Variants in DNAJC15 observed in about 807,000 individuals in gnomAD.
The protein encoded by DNAJC15 is dnaJ homolog subfamily C member 15.
A neutral mutation model predicts 22.4 loss-of-function variants in DNAJC15; 27 were observed. The observed-to-expected ratio is 1.20, with a 90% confidence interval of 0.89 to 1.66. The LOEUF (loss-of-function observed/expected upper bound fraction) is 1.66, where lower values mean the gene tolerates loss of function less well. DNAJC15 is among the 40% of genes most tolerant of loss of function. The pLI is 0.00. For missense variants in DNAJC15, 208 were observed against 187.1 expected (o/e 1.11, Z -0.65); for synonymous variants, 79 against 63.2 (o/e 1.25, Z -1.19).
intron 1 of DNAJC15, among the ~76,000 whole-genome samples, chr13:43,048,288 T>C (rs1338022108): frequency 6.9e-6 from 1 of 144,892 alleles, no homozygotes; most frequent in Non-Finnish European, 1.5e-5. Flanking sequence ...AAGACCAGCC[T>C]GACCAAAATG....
intron 1 of DNAJC15, among the ~76,000 whole-genome samples, chr13:43,052,906 CTATT>C (rs1229616699): frequency 1.3e-5 from 2 of 152,070 alleles, no homozygotes; most frequent in Non-Finnish European, 2.9e-5. Context: ...TAGTTCCCAT[CTATT>C]TATATTAGTT....
chr13:43,046,520 G>A (rs1566203221), intron 1 of DNAJC15, among the ~76,000 whole-genome samples: 2 of 151,838 alleles, frequency 1.3e-5, no homozygotes, highest in African/African-American at 2.4e-5. Context: ...CAACCAATCA[G>A]GTAGTAAAGA....
chr13:43,084,464 C>T (rs2040677997), intron 4 of DNAJC15, among the ~76,000 whole-genome samples: 1 of 152,134 alleles, frequency 6.6e-6, no homozygotes, highest in African/African-American at 2.4e-5. Flanking sequence ...GAATTTGAAC[C>T]TGTTTCTGAC....
intron 1 of DNAJC15, among the ~76,000 whole-genome samples, chr13:43,040,869 A>T (rs1041804702): frequency 1.3e-5 from 2 of 152,160 alleles, no homozygotes; most frequent in Admixed American, 6.5e-5. Context: ...CATACACATA[A>T]ACATCTCAAT....
intron 1 of DNAJC15, among the ~76,000 whole-genome samples, chr13:43,027,180 G>A (rs183364156): frequency 3.9e-4 from 59 of 152,320 alleles, no homozygotes; most frequent in African/African-American, 1.3e-3. Context: ...CAGTTTGTAT[G>A]AAACGGTAGT....
At chr13:43,034,428 G>A (rs770787515) in intron 1 of DNAJC15, among the ~76,000 whole-genome samples, 3 of 139,802 alleles carry the variant, frequency 2.1e-5, no homozygotes, top group East Asian at 2.3e-4. Context: ...CCATTCTCCC[G>A]CCTCAGCCTC....
chr13:43,026,824 A>G (rs773160602), intron 1 of DNAJC15, among the ~76,000 whole-genome samples: 19 of 152,182 alleles, frequency 1.2e-4, no homozygotes, highest in African/African-American at 3.1e-4. Flanking sequence ...ACTTGAGCCC[A>G]GGGGTTCAAG....
At chr13:43,033,887 G>A (rs2806711) in intron 1 of DNAJC15, among the ~76,000 whole-genome samples, 3,790 of 152,074 alleles carry the variant, frequency 0.025, 143 homozygotes, top group African/African-American at 0.083. Flanking sequence ...AATTAGCCGG[G>A]CATGGTAGCA....
chr13:43,036,988 G>A (rs896377361), intron 1 of DNAJC15, among the ~76,000 whole-genome samples: 18 of 152,260 alleles, frequency 1.2e-4, no homozygotes, highest in African/African-American at 3.8e-4. Context: ...CTGAGAGTGC[G>A]GTTGGGCGGC....
chr13:43,099,838 G>A (rs2040758758), intron 5 of DNAJC15, among the ~76,000 whole-genome samples: 1 of 152,212 alleles, frequency 6.6e-6, no homozygotes, highest in East Asian at 1.9e-4. Flanking sequence ...TGGTTTGCTA[G>A]TATTGTGTTT....
chr13:43,056,114 A>G (rs1354846827), intron 1 of DNAJC15, among the ~76,000 whole-genome samples: 2 of 150,348 alleles, frequency 1.3e-5, no homozygotes, highest in African/African-American at 2.4e-5. Flanking sequence ...TACTTGATAT[A>G]ATTTTGATTT....
In DNAJC15 at chr13:43,024,893, T is replaced by TAAAAAAAAAAAAA. The variant is rs34398144; in HGVS notation, c.108+1165_108+1177dup. On this transcript the variant is annotated intron_variant, in intron 1 of 5. Coordinates refer to ENST00000379221, the MANE Select transcript of DNAJC15 (RefSeq NM_013238.3). ...GCAACACAGGAGACCCCATCTCTGC[T>TAAAAAAAAAAAAA]AAAAAAAAAAAAAAAAAATTAGCTG... 2.7e-4 allele frequency among the ~76,000 whole-genome samples: 23 copies of TAAAAAAAAAAAAA among 85,944 alleles called. 1 individual carries two copies. Among genetic ancestry groups the TAAAAAAAAAAAAA allele is most frequent in the African/African-American group, 5.1e-4 (11 of 21,702 alleles). The allele number at this position is 85,944 out of a possible 152,430, so 56.4% of individuals were successfully genotyped here.
At chr13:43,075,996 TTCTC>T (rs776012673) in intron 3 of DNAJC15, among the ~76,000 whole-genome samples, 7 of 151,628 alleles carry the variant, frequency 4.6e-5, no homozygotes, top group Non-Finnish European at 7.4e-5. Flanking sequence ...GTATCTGTAT[TTCTC>T]TCTCTATCTC....
chr13:43,044,397 A>G (rs1193183244), intron 1 of DNAJC15, among the ~76,000 whole-genome samples: 4 of 152,172 alleles, frequency 2.6e-5, no homozygotes, highest in African/African-American at 9.7e-5. Context: ...CTTAGGCTTT[A>G]TCATACTCGT....
intron 5 of DNAJC15, among the ~76,000 whole-genome samples, chr13:43,091,748 G>A (rs534921984): frequency 6.6e-6 from 1 of 152,014 alleles, no homozygotes; most frequent in South Asian, 2.1e-4. Flanking sequence ...CTGTCATTCA[G>A]TTCAAAATAC....
intron 1 of DNAJC15, among the ~76,000 whole-genome samples, chr13:43,058,960 G>A (rs59533098): frequency 7.9e-5 from 12 of 152,296 alleles, no homozygotes; most frequent in Non-Finnish European, 1.3e-4. Context: ...GGCACTTAAC[G>A]GTTTTTCTGC....
At chr13:43,092,502 A>ATG (rs199498561) in intron 5 of DNAJC15, among the ~76,000 whole-genome samples, 6 of 90,586 alleles carry the variant, frequency 6.6e-5, no homozygotes, top group Non-Finnish European at 1.5e-4. Context: ...ACACACACAC[A>ATG]TGTGTGTGTG....
chr13:43,099,562 A>G (rs2040757138), intron 5 of DNAJC15, among the ~76,000 whole-genome samples: 1 of 152,204 alleles, frequency 6.6e-6, no homozygotes, highest in African/African-American at 2.4e-5. Flanking sequence ...ACGTCTGTCT[A>G]TTCCTAGTTT....
intron 1 of DNAJC15, among the ~76,000 whole-genome samples, chr13:43,045,663 C>T (rs561002195): frequency 4.6e-5 from 7 of 152,282 alleles, no homozygotes; most frequent in African/African-American, 7.2e-5. Flanking sequence ...CATGCAGGCT[C>T]GGGCGTGGTT....
Sources: gnomAD v4.1 joint callset for allele counts (sites outside exome capture counted in the v4.1 genomes callset) on GRCh38, gnomAD v4.1.1 for gene constraint, MANE v1.5 for transcripts, NCBI Gene and HGNC (gene_info 2026-07-23, HGNC 2026-07-21) for gene names.